EML1: variants seen among roughly 807,000 people sequenced by gnomAD.
The protein encoded by EML1 is echinoderm microtubule-associated protein-like 1.
Under a neutral mutation model 110.4 loss-of-function variants are expected in EML1, and 27 were observed. That is an observed-to-expected ratio of 0.24 (90% CI 0.18 to 0.34). The LOEUF (loss-of-function observed/expected upper bound fraction) is 0.34. Ranked by LOEUF, EML1 falls within the 10% of genes least tolerant of loss-of-function variation. EML1 has a pLI of 1.00. For synonymous variants in EML1, 344 were observed against 385.8 expected, an observed-to-expected ratio of 0.89 and a Z score of 1.27; for missense variants, 741 against 1,030.9, an observed-to-expected ratio of 0.72 and a Z score of 3.85.
chr14:99,765,670 T>C (rs1433601132), intron 1 of EML1, among the ~76,000 whole-genome samples: 2 of 152,122 alleles, frequency 1.3e-5, no homozygotes, highest in South Asian at 2.1e-4. Flanking sequence ...AGTGATGCAA[T>C]GTGGGCTCAC....
intron 10 of EML1, among the ~76,000 whole-genome samples, chr14:99,909,021 A>G (rs117469308): frequency 2.0e-5 from 3 of 152,082 alleles, no homozygotes; most frequent in Non-Finnish European, 4.4e-5. Context: ...TCTGGTCCCA[A>G]CTCCCTCCTC....
At chr14:99,901,161 T>A in intron 9 of EML1, 122 bp downstream of exon 9, 1 of 777,036 alleles carries the variant, frequency 1.3e-6, no homozygotes, top group Non-Finnish European at 2.1e-6. Context: ...AGATTTGGAC[T>A]CTGAAACATT....
Position 99,936,013 on chromosome 14 carries a change from T to C in EML1, c.1910-16T>C. The C allele has an allele frequency of 1.9e-6, 3 of 1,611,408 alleles. No homozygotes were observed. The highest frequency in any genetic ancestry group is 2.5e-6 in the Non-Finnish European group (3 of 1,177,658). The stretch of plus-strand genomic sequence containing the variant: ...TATTGTTAACATCTGAAATGTAATT[T>C]GTCATCTTTTTATAGATGGGAATTT... On this transcript the variant is annotated splice_polypyrimidine_tract_variant and intron_variant, in intron 17 of 21. Transcript: ENST00000262233. This position sits in a 1 kb window ranked among gnomAD's most constrained non-coding sequence, Gnocchi z 5.5.
intron 1 of EML1, among the ~76,000 whole-genome samples, chr14:99,831,307 G>A (rs187031320): frequency 1.3e-5 from 2 of 152,236 alleles, no homozygotes; most frequent in East Asian, 1.9e-4. Flanking sequence ...TCATCCGGTC[G>A]TAGTCTCACT....
intron 1 of EML1, among the ~76,000 whole-genome samples, chr14:99,744,277 G>A (rs1029811609): frequency 4.6e-5 from 7 of 151,894 alleles, no homozygotes; most frequent in African/African-American, 1.7e-4. Flanking sequence ...TGCTCCCAGG[G>A]CAGGTCCCTA....
chr14:99,867,684 T>G (rs1013003035), intron 3 of EML1, among the ~76,000 whole-genome samples: 1 of 152,196 alleles, frequency 6.6e-6, no homozygotes, highest in Non-Finnish European at 1.5e-5. Flanking sequence ...CCTGAAACTT[T>G]GTTGAAATTA....
chr14:99,808,298 T>C (rs544470360), intron 1 of EML1, among the ~76,000 whole-genome samples: 5 of 152,208 alleles, frequency 3.3e-5, no homozygotes, highest in Non-Finnish European at 5.9e-5. Context: ...CAGTACATTC[T>C]TGTTGAATGA....
intron 8 of EML1, 92 bp from the exon 9 acceptor site, chr14:99,900,837 G>C (rs1011483292): frequency 1.9e-6 from 2 of 1,072,486 alleles, no homozygotes; most frequent in African/African-American, 3.2e-5. Context: ...GACAAAGTCC[G>C]AGTTACTGCC....
chr14:99,801,647 A>G (rs1050191506), intron 1 of EML1, among the ~76,000 whole-genome samples: 4 of 151,778 alleles, frequency 2.6e-5, no homozygotes, highest in African/African-American at 7.3e-5. Flanking sequence ...CCTAGTAATC[A>G]TTTTAGACTC....
rs1427362529 is a variant in EML1, at chr14:99,941,825, G to A, written c.*1713G>A. On this transcript the variant is annotated 3_prime_UTR_variant, in exon 22 of 22. Transcript: ENST00000262233. ...TTTTTAAATTAACAATGGAGAGAAT[G>A]ATAAGATGAGGGAAGGAAAAGGCAT... The A allele has an allele frequency of 1.3e-5, 2 of 152,178 alleles. No homozygotes were observed. Among genetic ancestry groups the A allele is most frequent in the African/African-American group, 2.4e-5 (1 of 41,428 alleles). The allele number at this position is 152,178 out of a possible 1,614,324, so 9.4% of individuals were successfully genotyped here.
chr14:99,828,584 T>G (rs74409710), intron 1 of EML1, among the ~76,000 whole-genome samples: 1 of 152,198 alleles, frequency 6.6e-6, no homozygotes, highest in East Asian at 1.9e-4. Context: ...AACATCATCA[T>G]AGGTCACCAT....
chr14:99,746,579 G>A (rs189967730), intron 1 of EML1, among the ~76,000 whole-genome samples: 5 of 152,062 alleles, frequency 3.3e-5, no homozygotes, highest in Admixed American at 1.3e-4. Flanking sequence ...AGGAGGTGCC[G>A]CCTAAGCCCC....
intron 1 of EML1, among the ~76,000 whole-genome samples, chr14:99,739,042 A>G (rs557861984): frequency 8.5e-4 from 122 of 143,782 alleles, no homozygotes; most frequent in African/African-American, 2.8e-3. Flanking sequence ...TAGGATTTGG[A>G]ACAGAGCAAG....
At chr14:99,892,073 AGGGCTCC>A (rs1178687546) in intron 5 of EML1, 49 of 932,476 alleles carry the variant, frequency 5.3e-5, no homozygotes, top group Non-Finnish European at 6.1e-5. Flanking sequence ...CGGGCTAGTG[AGGGCTCC>A]GGGCTCCGGG....
At chr14:99,810,113 G>T (rs1395817321) in intron 1 of EML1, among the ~76,000 whole-genome samples, 1 of 152,154 alleles carries the variant, frequency 6.6e-6, no homozygotes. Context: ...TTACGTGGAA[G>T]CCTGGCGTGT....
At chr14:99,919,674 C>T (rs747979240) in intron 16 of EML1, among the ~76,000 whole-genome samples, 14 of 152,154 alleles carry the variant, frequency 9.2e-5, no homozygotes, top group South Asian at 2.1e-4. Context: ...TACCTCTTGC[C>T]ATTCAGGTCC....
At position 99,937,871 on chromosome 14, in the gene EML1, A is replaced by C. The variant is rs1030194965; in HGVS notation, c.2150A>C (p.Glu717Ala). The C allele has an allele frequency of 3.1e-6, 5 of 1,614,020 alleles. No homozygotes were observed. The highest frequency in any genetic ancestry group is 1.7e-5 in the Admixed American group (1 of 59,994). Residue 717 changes from glutamate (E) to alanine (A), a missense_variant, in exon 20 of 22, where the codon GAA (glutamate) becomes GCA (alanine). Coordinates refer to ENST00000262233, the MANE Select transcript of EML1 (RefSeq NM_004434.3). ...AGTGTGGAAACTACAAGAGACATTGAATGGGCTACCTATACCTGCACTTTG... is the reference window on the plus strand; with the variant it reads ...AGTGTGGAAACTACAAGAGACATTGCATGGGCTACCTATACCTGCACTTTG... ...VVSVETTRDIEWATYTCTLGF... is the reference protein window; with the variant it reads ...VVSVETTRDIAWATYTCTLGF...
intron 1 of EML1, among the ~76,000 whole-genome samples, chr14:99,798,876 T>G (rs908655849): frequency 6.6e-6 from 1 of 152,198 alleles, no homozygotes; most frequent in Admixed American, 6.5e-5. Flanking sequence ...CAGAGCCCTA[T>G]CAGATTACAA....
chr14:99,757,495 G>T (rs773854795), intron 1 of EML1, among the ~76,000 whole-genome samples: 2 of 152,180 alleles, frequency 1.3e-5, no homozygotes, highest in Non-Finnish European at 2.9e-5. Context: ...ATGCCACACG[G>T]CACAGACACC....
Sources: allele counts gnomAD v4.1 joint callset (sites outside exome capture counted in the v4.1 genomes callset), GRCh38; gene constraint gnomAD v4.1.1; non-coding constraint Gnocchi (gnomAD v3.1); transcripts MANE v1.5; gene names NCBI Gene and HGNC (gene_info 2026-07-23, HGNC 2026-07-21).